FUT8: variants seen among roughly 807,000 people sequenced by gnomAD.
The protein encoded by FUT8 is fucosyltransferase 8, also known as alpha-(1,6)-fucosyltransferase.
FUT8 carries 29 observed loss-of-function variants against 71.3 expected under a neutral mutation model. The ratio of observed to expected loss-of-function variants is 0.41; its 90% CI spans 0.30 to 0.55. The LOEUF (loss-of-function observed/expected upper bound fraction) is 0.55. FUT8 is among the 20% of genes least tolerant of loss of function. The pLI is 0.34. For missense variants in FUT8, 544 were observed against 702.1 expected (o/e 0.77, Z 2.55); for synonymous variants, 254 against 239.3 (o/e 1.06, Z -0.57).
intron 3 of FUT8, among the ~76,000 whole-genome samples, chr14:65,586,926 C>G (rs894817219): frequency 2.0e-5 from 3 of 152,126 alleles, no homozygotes; most frequent in African/African-American, 4.8e-5. Flanking sequence ...CTGTGGCTCA[C>G]GCCTGTAATC....
chr14:65,528,401 G>A (rs1415216160), intron 2 of FUT8, among the ~76,000 whole-genome samples: 3 of 152,208 alleles, frequency 2.0e-5, no homozygotes, highest in Non-Finnish European at 2.9e-5. Context: ...CATTGGAAAA[G>A]TGCAGTATCA....
At position 65,467,622 on chromosome 14, in the gene FUT8, G is replaced by A. The variant is rs546265308; in HGVS notation, c.-228+11904G>A. ...CTCCTGAGTAGCTGGAATTAGAGGCGCCCATCACCACGCCCAGCTAATTTT... is the reference window on the plus strand; with the variant it reads ...CTCCTGAGTAGCTGGAATTAGAGGCACCCATCACCACGCCCAGCTAATTTT... On this transcript the variant is annotated intron_variant, in intron 2 of 10. Transcript: ENST00000673929. This position sits in a 1 kb window ranked among gnomAD's most constrained non-coding sequence, Gnocchi z 4.1. 4.9e-4 allele frequency among the ~76,000 whole-genome samples: 74 copies of A among 152,134 alleles called. No individual in the cohort carries two copies. Among genetic ancestry groups the A allele is most frequent in the African/African-American group, 1.6e-3 (66 of 41,498 alleles).
At chr14:65,436,871 C>T (rs1207741539) in intron 1 of FUT8, among the ~76,000 whole-genome samples, 1 of 152,056 alleles carries the variant, frequency 6.6e-6, no homozygotes, top group Admixed American at 6.6e-5. Flanking sequence ...TGAGTACTAC[C>T]AAATGATGCA....
At chr14:65,424,463 GATAAA>G (rs1439130319) in intron 1 of FUT8, among the ~76,000 whole-genome samples, 2 of 151,388 alleles carry the variant, frequency 1.3e-5, no homozygotes, top group African/African-American at 4.9e-5. Flanking sequence ...AGTAGTAAAT[GATAAA>G]ATAGACTAGT....
chr14:65,517,671 A>G (rs543160486), intron 2 of FUT8, among the ~76,000 whole-genome samples: 2 of 152,280 alleles, frequency 1.3e-5, no homozygotes, highest in East Asian at 3.9e-4. Flanking sequence ...CATGGACCTT[A>G]TCTTTAGGTG....
chr14:65,406,867 G>A (rs1320182415), upstream of FUT8, among the ~76,000 whole-genome samples: 1 of 152,196 alleles, frequency 6.6e-6, no homozygotes, highest in East Asian at 1.9e-4. Context: ...ATAAAGTCAT[G>A]AGATGTGATC....
intron 7 of FUT8, among the ~76,000 whole-genome samples, chr14:65,716,779 C>T (rs542874624): frequency 6.6e-6 from 1 of 152,230 alleles, no homozygotes; most frequent in Non-Finnish European, 1.5e-5. Flanking sequence ...CCAGATGGGG[C>T]AGCCAGGCAG....
chr14:65,536,112 C>G (rs1367790539), intron 2 of FUT8, among the ~76,000 whole-genome samples: 1 of 151,718 alleles, frequency 6.6e-6, no homozygotes, highest in African/African-American at 2.4e-5. Flanking sequence ...GTAGATTTTT[C>G]TCCATCTCTT....
chr14:65,561,957 C>T (rs955909657), intron 3 of FUT8, among the ~76,000 whole-genome samples, 191 bp downstream of exon 3: 2 of 152,084 alleles, frequency 1.3e-5, no homozygotes, highest in African/African-American at 4.8e-5. Flanking sequence ...AGCCCATGGG[C>T]CACAGGTGAC....
chr14:65,378,837 GTTT>G, the FUT8 span, among the ~76,000 whole-genome samples: 10 of 66,848 alleles, frequency 1.5e-4, no homozygotes, highest in South Asian at 1.7e-3. Context: ...TCACAAGAAG[GTTT>G]TTTTTTTTTT....
chr14:65,358,467 C>CATG, the FUT8 span, among the ~76,000 whole-genome samples: 2 of 151,750 alleles, frequency 1.3e-5, no homozygotes, highest in African/African-American at 4.8e-5. Context: ...ACTTTTTTTA[C>CATG]ATTATTATTA....
intron 7 of FUT8, among the ~76,000 whole-genome samples, chr14:65,702,214 A>C (rs1323937703): frequency 6.6e-6 from 1 of 152,022 alleles, no homozygotes; most frequent in African/African-American, 2.4e-5. Flanking sequence ...GCATGGTGGC[A>C]CACGCCTGTA....
In FUT8 at chr14:65,742,342, C is replaced by G. The variant is rs1896545521; in HGVS notation, c.1660C>G (p.Pro554Ala). ...GAAATTGGGAAGGACGGGCCTATAT[C>G]CCTCCTACAAAGTTCGAGAGAAGAT... The part of the protein sequence containing the change: ...NRKLGRTGLY[P>A]SYKVREKIET... Residue 554 changes from proline to alanine, a missense_variant, in exon 11 of 11, where the codon CCC becomes GCC. By Grantham distance (27) the Pro-to-Ala change is conservative (BLOSUM62 -1). Transcript: ENST00000673929. 2 of 1,612,790 alleles carry G rather than the reference C, an allele frequency of 1.2e-6. No individual in the cohort carries two copies. Among genetic ancestry groups the G allele is most frequent in the Admixed American group, 1.7e-5 (1 of 59,822 alleles).
chr14:65,654,925 CAG>C (rs1326168207), intron 6 of FUT8, among the ~76,000 whole-genome samples: 1 of 150,098 alleles, frequency 6.7e-6, no homozygotes, highest in Non-Finnish European at 1.5e-5. Context: ...GTTTTTGATA[CAG>C]AGTTTTGCAG....
chr14:65,563,466 A>G (rs1178571032), intron 3 of FUT8, among the ~76,000 whole-genome samples: 1 of 152,034 alleles, frequency 6.6e-6, no homozygotes, highest in African/African-American at 2.4e-5. Flanking sequence ...TCCCAGTAGT[A>G]TGACTCCACA....
intron 1 of FUT8, among the ~76,000 whole-genome samples, chr14:65,415,418 T>TCC (rs2065204786): frequency 6.6e-6 from 1 of 152,230 alleles, no homozygotes. Context: ...CTTAAAGATT[T>TCC]ATTGGATTTC....
At chr14:65,475,217 T>C (rs2066218737) in intron 2 of FUT8, among the ~76,000 whole-genome samples, 1 of 152,168 alleles carries the variant, frequency 6.6e-6, no homozygotes, top group Admixed American at 6.5e-5. Flanking sequence ...ATTTAGAAGG[T>C]CAACTAGAAA....
intron 2 of FUT8, among the ~76,000 whole-genome samples, chr14:65,543,814 T>A (rs749281215): frequency 6.6e-6 from 1 of 152,138 alleles, no homozygotes; most frequent in Non-Finnish European, 1.5e-5. Context: ...AAGAGACAGA[T>A]TCCCAGTTGT....
chr14:65,454,712 A>G (rs148426637), intron 1 of FUT8, among the ~76,000 whole-genome samples: 5 of 152,218 alleles, frequency 3.3e-5, no homozygotes, highest in Admixed American at 3.3e-4. Flanking sequence ...ACATTTCTAT[A>G]GAATATATTG....
Sources: gnomAD v4.1 joint callset for allele counts (sites outside exome capture counted in the v4.1 genomes callset) on GRCh38, gnomAD v4.1.1 for gene constraint, Gnocchi (gnomAD v3.1) non-coding constraint, MANE v1.5 for transcripts, NCBI Gene and HGNC (gene_info 2026-07-23, HGNC 2026-07-21) for gene names.